Variants in ZNF845 observed in about 807,000 individuals in gnomAD.
The protein encoded by ZNF845 is zinc finger protein 845.
Under a neutral mutation model 76.1 loss-of-function variants are expected in ZNF845, and 59 were observed. The observed-to-expected ratio is 0.78, with a 90% CI of 0.63 to 0.96. The LOEUF is 0.96. Ranked by LOEUF, ZNF845 falls within the 40% of genes least tolerant of loss-of-function variation. ZNF845 has a pLI of 0.00. For synonymous variants in ZNF845, 361 were observed against 386.9 expected, an observed-to-expected ratio of 0.93 and a Z score of 0.78; for missense variants, 1,045 against 1,172.8, an observed-to-expected ratio of 0.89 and a Z score of 1.59.
intron 1 of ZNF845, among the ~76,000 whole-genome samples, chr19:53,336,486 G>C (rs1420040925): frequency 6.6e-6 from 1 of 152,062 alleles, no homozygotes; most frequent in Non-Finnish European, 1.5e-5. Flanking sequence ...CTGCAGCCTG[G>C]GGGGCAGAGC....
intron 1 of ZNF845, among the ~76,000 whole-genome samples, chr19:53,336,574 G>A (rs2085215158): frequency 6.7e-6 from 1 of 149,330 alleles, no homozygotes; most frequent in Non-Finnish European, 1.5e-5. Context: ...TTTTGTTCTC[G>A]TTGTGTAACA....
Position 53,352,549 on chromosome 19 carries a change from A to G in ZNF845, c.1874A>G (p.His625Arg). Residue 625 changes from histidine (H) to arginine (R), a missense_variant, in exon 4 of 4, where the codon CAT becomes CGT. Coordinates refer to ENST00000458035, the MANE Select transcript of ZNF845 (RefSeq NM_138374.3). ...FFRHRSYLAV[H>R]WRTHSGEKPY... is the part of the protein sequence containing the mutation. Reference sequence around the variant, plus strand: ...AGACATCGTTCATACCTTGCAGTTCATTGGCGAACTCATAGTGGAGAGAAA... The same window carrying G: ...AGACATCGTTCATACCTTGCAGTTCGTTGGCGAACTCATAGTGGAGAGAAA... The G allele has an allele frequency of 1.9e-6, 3 of 1,608,258 alleles. 1 individual carries two copies. In the Middle Eastern group the frequency reaches 5.0e-4, roughly 266 times the overall value.
rs780765720 is a variant in ZNF845 at position 53,352,613 on chromosome 19, C to T, written c.1938C>T (p.Phe646=). Residue 646 remains phenylalanine, a synonymous_variant, in exon 4 of 4, where the codon TTC becomes TTT. Coordinates refer to ENST00000458035, the MANE Select transcript of ZNF845 (RefSeq NM_138374.3). ...AAGAATGTGATGAAGCTTTCAGTTTCAAATCAAACCTTCAAAGACATAGGA... is the reference window on the plus strand; with the variant it reads ...AAGAATGTGATGAAGCTTTCAGTTTTAAATCAAACCTTCAAAGACATAGGA... The part of the protein sequence containing the change: ...KCEECDEAFS[F]KSNLQRHRRI... The T allele has an allele frequency of 6.2e-7, 1 of 1,613,300 alleles. No individual in the cohort carries two copies. The highest frequency in any genetic ancestry group is 1.1e-5 in the South Asian group (1 of 91,024).
intron 3 of ZNF845, 107 bp downstream of exon 3, chr19:53,345,739 A>G (rs567917909): frequency 2.7e-4 from 419 of 1,560,098 alleles, no homozygotes; most frequent in Non-Finnish European, 3.6e-4. Context: ...GTGGAGTGAA[A>G]TGGTGTGATC....
In ZNF845 at chr19:53,351,660, T is replaced by C. The variant is rs745561731; in HGVS notation, c.985T>C (p.Cys329Arg). The C allele has an allele frequency of 1.2e-6, 2 of 1,613,956 alleles. No homozygotes were observed. The highest frequency in any genetic ancestry group is 4.5e-5 in the East Asian group (2 of 44,882). ...AIHTGEKSYK[C>R]NECGKTFSQT... ...TCATACTGGAGAGAAATCTTACAAGTGTAATGAATGTGGCAAGACCTTCAG... is the reference window on the plus strand; with the variant it reads ...TCATACTGGAGAGAAATCTTACAAGCGTAATGAATGTGGCAAGACCTTCAG... The change falls in exon 4 of 4, where the codon TGT becomes CGT. Residue 329 changes from cysteine (C) to arginine (R), a missense_variant. Transcript: ENST00000458035.
intron 3 of ZNF845, among the ~76,000 whole-genome samples, chr19:53,350,416 A>G (rs2085324768): frequency 6.6e-6 from 1 of 152,218 alleles, no homozygotes; most frequent in African/African-American, 2.4e-5. Context: ...AATATAGTAT[A>G]TTGTGTGGTC....
chr19:53,339,367 C>T lies in ZNF845; in HGVS notation c.-73-1868C>T, dbSNP rs553200927. Among the ~76,000 whole-genome samples, 5 of 152,124 alleles carry T rather than the reference C, an allele frequency of 3.3e-5. 1 individual carries two copies. Among genetic ancestry groups the T allele is most frequent in the South Asian group, 4.1e-4 (2 of 4,822 alleles). ...CGTCACCCACCCTATGCACAGTCCT[C>T]CCTTTCCCGTTGTCTTCTCTAGAAT... On this transcript the variant is annotated intron_variant, in intron 1 of 3. Transcript: ENST00000458035.
Position 53,353,024 on chromosome 19 carries a change from T to C in ZNF845, c.2349T>C (p.Ala783=). 6.2e-7 allele frequency: 1 copy of C among 1,613,534 alleles called. No homozygotes were observed. Among genetic ancestry groups the C allele is most frequent in the Non-Finnish European group, 8.5e-7 (1 of 1,179,804 alleles). ...ACAAATGTAAGGTTTGTGACAAAGCTTTTGGGCGTGATTCACACCTGGCAC... is the reference window on the plus strand; with the variant it reads ...ACAAATGTAAGGTTTGTGACAAAGCCTTTGGGCGTGATTCACACCTGGCAC... ...KPYKCKVCDK[A]FGRDSHLAQH... is the part of the protein sequence containing the mutation. Residue 783 remains alanine, a synonymous_variant, in exon 4 of 4, where the codon GCT becomes GCC. Transcript: ENST00000458035.
intron 2 of ZNF845, among the ~76,000 whole-genome samples, chr19:53,344,590 TTTTATTTTATTTTA>T (rs1222175889): frequency 2.4e-5 from 3 of 127,246 alleles, no homozygotes; most frequent in Admixed American, 8.3e-5. Flanking sequence ...CTACATTGAT[TTTTATTTTATTTTA>T]TTTATTTTAT....
At position 53,353,471 on chromosome 19, in the gene ZNF845, T is replaced by G. The variant is rs1453943486; in HGVS notation, c.2796T>G (p.Ile932Met). ...TCCGTCACAATTCAGTCCTTGTAATTCATAAGACAATTCATACTGGAGAGA... is the reference window on the plus strand; with the variant it reads ...TCCGTCACAATTCAGTCCTTGTAATGCATAAGACAATTCATACTGGAGAGA... Reference protein sequence around the residue: ...KTFRHNSVLVIHKTIHTGEKP... With the variant: ...KTFRHNSVLVMHKTIHTGEKP... The change falls in exon 4 of 4, where the codon ATT becomes ATG. Residue 932 changes from isoleucine (I) to methionine (M), a missense_variant. Coordinates refer to ENST00000458035, the MANE Select transcript of ZNF845 (RefSeq NM_138374.3). 5.6e-6 allele frequency: 9 copies of G among 1,613,454 alleles called. No homozygotes were observed. In the Admixed American group the frequency reaches 6.7e-5, roughly 12 times the overall value.
chr19:53,345,397 A>G, intron 2 of ZNF845, 109 bp from the exon 3 acceptor site: 1 of 1,591,386 alleles, frequency 6.3e-7, no homozygotes. Flanking sequence ...CGGATTTGTC[A>G]GAACATTCAC....
In ZNF845 at chr19:53,353,525, G is replaced by C; in HGVS notation, c.2850G>C (p.Lys950Asn). ...CTTACAAGTGTAATGAATGTGGCAA[G>C]GTTTTTAATCGAAAAGCAAAACTTG... is the stretch of plus-strand genomic sequence containing the variant. ...EKPYKCNECGKVFNRKAKLAR... is the reference protein window; with the variant it reads ...EKPYKCNECGNVFNRKAKLAR... The change falls in exon 4 of 4, where the codon AAG (lysine) becomes AAC (asparagine). Residue 950 changes from lysine to asparagine, a missense_variant. Coordinates refer to ENST00000458035, the MANE Select transcript of ZNF845 (RefSeq NM_138374.3). 1 of 1,612,458 alleles carries C rather than the reference G, an allele frequency of 6.2e-7. No homozygotes were observed. Among genetic ancestry groups the C allele is most frequent in the Non-Finnish European group, 8.5e-7 (1 of 1,179,230 alleles).
intron 1 of ZNF845, among the ~76,000 whole-genome samples, chr19:53,339,261 A>G (rs79437885): frequency 0.059 from 8,960 of 152,280 alleles, 622 homozygotes; most frequent in African/African-American, 0.17. Flanking sequence ...TTATCCTCAC[A>G]GGATGCTCCT....
intron 3 of ZNF845, among the ~76,000 whole-genome samples, chr19:53,350,506 A>G (rs939376486): frequency 1.3e-5 from 2 of 152,136 alleles, no homozygotes; most frequent in African/African-American, 4.8e-5. Context: ...TGTGACAGTG[A>G]TATGTTTTTT....
rs751449814 is a variant in ZNF845, at chr19:53,352,131, C to T, written c.1456C>T (p.Arg486Cys). Reference protein sequence around the residue: ...FSQTSSLVYHRRLHTGEKPYK... With the variant: ...FSQTSSLVYHCRLHTGEKPYK... ...TCAGACATCATCCCTTGTATACCAT[C>T]GTAGACTTCATACTGGAGAGAAACC... Residue 486 changes from arginine (R) to cysteine (C), a missense_variant, in exon 4 of 4, where the codon CGT becomes TGT. Physicochemically the swap from Arg to Cys is radical, Grantham distance 180 (BLOSUM62 -3). Transcript: ENST00000458035. 77 of 1,613,390 alleles carry T rather than the reference C, an allele frequency of 4.8e-5. No individual in the cohort carries two copies. The highest frequency in any genetic ancestry group is 5.5e-5 in the Non-Finnish European group (65 of 1,179,844).
At chr19:53,345,821 C>T (rs2085292191) in intron 3 of ZNF845, among the ~76,000 whole-genome samples, 189 bp downstream of exon 3, 1 of 151,200 alleles carries the variant, frequency 6.6e-6, no homozygotes, top group African/African-American at 2.4e-5. Context: ...GTAGCTGGTA[C>T]AGGTGCATGC....
intron 1 of ZNF845, among the ~76,000 whole-genome samples, chr19:53,338,510 G>C (rs1311497345): frequency 5.9e-5 from 9 of 151,670 alleles, no homozygotes; most frequent in Admixed American, 4.6e-4. Flanking sequence ...GGGCATGAAG[G>C]ACACACTCCT....
At position 53,353,547 on chromosome 19, in the gene ZNF845, C is replaced by G. The variant is rs765403414; in HGVS notation, c.2872C>G (p.Leu958Val). The part of the protein sequence containing the change: ...CGKVFNRKAK[L>V]ARHHRIHTGK... ...CAAGGTTTTTAATCGAAAAGCAAAACTTGCACGTCATCATAGAATTCATAC... is the reference window on the plus strand; with the variant it reads ...CAAGGTTTTTAATCGAAAAGCAAAAGTTGCACGTCATCATAGAATTCATAC... The change falls in exon 4 of 4, where the codon CTT (leucine) becomes GTT (valine). Residue 958 changes from leucine (L) to valine (V), a missense_variant. Leu to Val is a conservative substitution (Grantham distance 32). Transcript: ENST00000458035. The G allele has an allele frequency of 1.2e-6, 2 of 1,609,960 alleles. No individual in the cohort carries two copies. Among genetic ancestry groups the G allele is most frequent in the Non-Finnish European group, 1.7e-6 (2 of 1,177,806 alleles).
rs147920522 is a variant in ZNF845 at position 53,349,408 on chromosome 19, C to A, written c.143-1410C>A. 3.6e-3 allele frequency among the ~76,000 whole-genome samples: 552 copies of A among 151,558 alleles called. 4 individuals carry two copies. Among genetic ancestry groups the A allele is most frequent in the African/African-American group, 0.013 (527 of 41,406 alleles). Reference sequence around the variant, plus strand: ...GCCTCCTGAGTAGCTGAGACTACTGCCACCCGCCATCACACCCGGCTAATT... The same window carrying A: ...GCCTCCTGAGTAGCTGAGACTACTGACACCCGCCATCACACCCGGCTAATT... On this transcript the variant is annotated intron_variant, in intron 3 of 3. Coordinates refer to ENST00000458035, the MANE Select transcript of ZNF845 (RefSeq NM_138374.3).
Sources: gnomAD v4.1 joint callset for allele counts (sites outside exome capture counted in the v4.1 genomes callset) on GRCh38, gnomAD v4.1.1 for gene constraint, MANE v1.5 for transcripts, NCBI Gene and HGNC (gene_info 2026-07-23, HGNC 2026-07-21) for gene names.